Variants in FOXP2 observed in about 807,000 individuals in gnomAD.
FOXP2 encodes forkhead box P2, also known as forkhead box protein P2.
FOXP2 carries 12 observed loss-of-function variants against 115.8 expected under a neutral mutation model. The observed-to-expected ratio is 0.10, with a 90% confidence interval of 0.07 to 0.17. FOXP2 has a LOEUF of 0.17. Ranked by LOEUF, FOXP2 falls within the 10% of genes least tolerant of loss-of-function variation. FOXP2 has a pLI of 1.00. For synonymous variants in FOXP2, 328 were observed against 297.7 expected (o/e 1.10, Z -1.05); for missense variants, 629 against 843.5 (o/e 0.75, Z 3.15).
At chr7:114,143,411 T>C (rs1230938348) in intron 1 of FOXP2, among the ~76,000 whole-genome samples, 1 of 152,106 alleles carries the variant, frequency 6.6e-6, no homozygotes. Flanking sequence ...TAAATTAGCA[T>C]ATTAGTTAGG....
chr7:114,462,026 A>G (rs928020863), intron 2 of FOXP2, among the ~76,000 whole-genome samples: 1 of 151,942 alleles, frequency 6.6e-6, no homozygotes, highest in African/African-American at 2.4e-5. Context: ...GACGCCTGTA[A>G]TCACAGCATT....
chr7:114,611,632 CA>C (rs1803633922), intron 3 of FOXP2, among the ~76,000 whole-genome samples: 1 of 152,104 alleles, frequency 6.6e-6, no homozygotes, highest in African/African-American at 2.4e-5. Context: ...AAAATAACTA[CA>C]GGAAGTTTTC....
At chr7:114,280,315 T>C (rs1418865067) in intron 1 of FOXP2, among the ~76,000 whole-genome samples, 1 of 152,104 alleles carries the variant, frequency 6.6e-6, no homozygotes, top group Non-Finnish European at 1.5e-5. Flanking sequence ...TTAATTTTAT[T>C]GTCTGAAATT....
intron 3 of FOXP2, among the ~76,000 whole-genome samples, chr7:114,551,115 G>C (rs1800184967): frequency 6.6e-6 from 1 of 152,098 alleles, no homozygotes; most frequent in Non-Finnish European, 1.5e-5. Context: ...TGATTATCAT[G>C]CTCCAGAGGA....
At chr7:114,189,884 T>A (rs1443412134) in intron 1 of FOXP2, among the ~76,000 whole-genome samples, 2 of 152,210 alleles carry the variant, frequency 1.3e-5, no homozygotes, top group African/African-American at 4.8e-5. Context: ...TCTTGTTCTT[T>A]TTTTGGCTGT....
intron 1 of FOXP2, among the ~76,000 whole-genome samples, chr7:114,196,490 C>T (rs1317856120): frequency 2.0e-5 from 3 of 152,166 alleles, no homozygotes; most frequent in Admixed American, 6.5e-5. Context: ...TTTAAAACTT[C>T]CTTTTGTCAG....
At chr7:114,280,776 C>A (rs1314081238) in intron 1 of FOXP2, among the ~76,000 whole-genome samples, 1 of 152,096 alleles carries the variant, frequency 6.6e-6, no homozygotes, top group Non-Finnish European at 1.5e-5. Context: ...GGTTGTGATT[C>A]AGACAAGTGT....
At chr7:114,208,319 C>G (rs1255774457) in intron 1 of FOXP2, among the ~76,000 whole-genome samples, 4 of 152,140 alleles carry the variant, frequency 2.6e-5, no homozygotes. Context: ...CCTGTATCCC[C>G]TTTGTTTTGG....
chr7:114,426,571 G>C lies in FOXP2; in HGVS notation c.60G>C (p.Met20Ile). The change falls in exon 2 of 17, where the codon ATG becomes ATC. Residue 20 changes from methionine (M) to isoleucine (I), a missense_variant. Physicochemically the swap from Met to Ile is conservative, Grantham distance 10 (BLOSUM62 1). Coordinates refer to ENST00000350908, the MANE Select transcript of FOXP2 (RefSeq NM_014491.4). The stretch of plus-strand genomic sequence containing the variant: ...ACAGTTCAATGAATCAAAATGGAAT[G>C]AGCACTCTAAGCAGCCAATTAGATG... Reference protein sequence around the residue: ...ISNSSMNQNGMSTLSSQLDAG... With the variant: ...ISNSSMNQNGISTLSSQLDAG... 6.2e-7 allele frequency: 1 copy of C among 1,611,594 alleles called. No individual in the cohort carries two copies. The highest frequency in any genetic ancestry group is 8.5e-7 in the Non-Finnish European group (1 of 1,178,394).
At chr7:114,660,494 T>C (rs540693192) in intron 13 of FOXP2, among the ~76,000 whole-genome samples, 5 of 152,280 alleles carry the variant, frequency 3.3e-5, no homozygotes, top group African/African-American at 7.2e-5. Flanking sequence ...CTGTGAGATA[T>C]GCTAAAGTGA....
At chr7:114,596,464 T>A (rs1236088815) in intron 3 of FOXP2, among the ~76,000 whole-genome samples, 5 of 152,156 alleles carry the variant, frequency 3.3e-5, no homozygotes, top group African/African-American at 1.2e-4. Flanking sequence ...CTGAAGCAGA[T>A]CCCTCTTGGG....
chr7:114,162,218 T>A (rs1490628125), upstream of FOXP2, among the ~76,000 whole-genome samples: 1 of 152,338 alleles, frequency 6.6e-6, no homozygotes, highest in African/African-American at 2.4e-5. Flanking sequence ...AGGTCAGATA[T>A]TCATCTATCA....
At chr7:114,125,071 C>T (rs1360563406) in intron 1 of FOXP2, among the ~76,000 whole-genome samples, 2 of 152,120 alleles carry the variant, frequency 1.3e-5, no homozygotes. Context: ...TACCGACTTC[C>T]ATCATGGAAT....
chr7:114,218,362 C>T (rs1242932707), intron 1 of FOXP2, among the ~76,000 whole-genome samples: 2 of 152,124 alleles, frequency 1.3e-5, no homozygotes, highest in African/African-American at 2.4e-5. Context: ...AGATGTGGCC[C>T]TCAGCTTTAC....
At chr7:114,656,536 GT>G (rs1448939722) in intron 10 of FOXP2, 1 of 445,684 alleles carries the variant, frequency 2.2e-6, no homozygotes, top group African/African-American at 2.0e-5. Context: ...GCTTACACCA[GT>G]GGCTTTGTAA....
At chr7:114,086,624 G>A (rs949811549), upstream of FOXP2, 8 of 396,956 alleles carry the variant, frequency 2.0e-5, no homozygotes, top group African/African-American at 1.5e-4. Context: ...AAGTTTCTTG[G>A]CCCTCACTCT....
At chr7:114,111,731 G>A (rs1791272716) in intron 1 of FOXP2, among the ~76,000 whole-genome samples, 1 of 152,024 alleles carries the variant, frequency 6.6e-6, no homozygotes, top group African/African-American at 2.4e-5. Context: ...CCTGGTTGGA[G>A]GAAGAGATCT....
At chr7:114,336,819 T>C (rs546972306) in intron 2 of FOXP2, among the ~76,000 whole-genome samples, 24 of 151,454 alleles carry the variant, frequency 1.6e-4, no homozygotes, top group Admixed American at 5.9e-4. Context: ...AATACTGAAA[T>C]AGGAAATTTC....
Position 114,133,373 on chromosome 7 carries a change from G to A in FOXP2, c.-246-29571G>A, listed in dbSNP as rs560667627. ...ATACTAAGTAGACAATTGGATATAA[G>A]AATCTAGAATTTTGAGCAGAGATGT... On this transcript the variant is annotated intron_variant, in intron 1 of 19. Transcript: ENST00000635638. Among the ~76,000 whole-genome samples, 26 of 152,292 alleles carry A rather than the reference G, an allele frequency of 1.7e-4. No individual in the cohort carries two copies. The South Asian group carries it at 5.4e-3, about 32-fold the overall frequency.
Sources: gnomAD v4.1 joint callset for allele counts (sites outside exome capture counted in the v4.1 genomes callset) on GRCh38, gnomAD v4.1.1 for gene constraint, MANE v1.5 for transcripts, NCBI Gene and HGNC (gene_info 2026-07-23, HGNC 2026-07-21) for gene names.